Variants in TBC1D15 observed in about 807,000 individuals in gnomAD.
The protein encoded by TBC1D15 is GAP for RAB7.
Under a neutral mutation model 95.4 loss-of-function variants are expected in TBC1D15, and 39 were observed. That is an observed-to-expected ratio of 0.41 (90% CI 0.32 to 0.53). The LOEUF (loss-of-function observed/expected upper bound fraction) is 0.53. Ranked by LOEUF, TBC1D15 falls within the 20% of genes least tolerant of loss-of-function variation. TBC1D15 has a pLI of 0.29. For missense variants in TBC1D15, 733 were observed against 794.3 expected (o/e 0.92, Z 0.93); for synonymous variants, 258 against 261.3 (o/e 0.99, Z 0.12).
intron 1 of TBC1D15, among the ~76,000 whole-genome samples, chr12:71,854,185 T>G (rs1288216962): frequency 6.6e-6 from 1 of 152,224 alleles, no homozygotes; most frequent in African/African-American, 2.4e-5. Flanking sequence ...TTCCTTTCTC[T>G]CAATAGTCAC....
chr12:71,875,716 C>T (rs1171998931), intron 3 of TBC1D15, among the ~76,000 whole-genome samples: 1 of 151,758 alleles, frequency 6.6e-6, no homozygotes, highest in Admixed American at 6.6e-5. Context: ...AATGGTTGTA[C>T]TTCTAATTCT....
At chr12:71,881,856 T>C (rs1482105242) in intron 4 of TBC1D15, among the ~76,000 whole-genome samples, 1 of 143,770 alleles carries the variant, frequency 7.0e-6, no homozygotes, top group African/African-American at 2.6e-5. Context: ...AGGCAGAGGT[T>C]GCAGTGAGCC....
Position 71,917,694 on chromosome 12 carries a change from A to G in TBC1D15, c.1402-4A>G, listed in dbSNP as rs767571429. 2 of 1,590,382 alleles carry G rather than the reference A, an allele frequency of 1.3e-6. No homozygotes were observed. Among genetic ancestry groups the G allele is most frequent in the South Asian group, 1.1e-5 (1 of 89,252 alleles). ...TTACTTGTAACAATTATTTCCTTTTAAAGCATCAGAATTTTGAAGAACAAA... is the reference window on the plus strand; with the variant it reads ...TTACTTGTAACAATTATTTCCTTTTGAAGCATCAGAATTTTGAAGAACAAA... On this transcript the variant is annotated splice_polypyrimidine_tract_variant and splice_region_variant and intron_variant, in intron 12 of 16. Coordinates refer to ENST00000485960, the MANE Select transcript of TBC1D15 (RefSeq NM_001146213.3).
intron 3 of TBC1D15, 110 bp from the exon 4 acceptor site, chr12:71,880,359 A>G (rs910238045): frequency 4.9e-6 from 4 of 810,714 alleles, no homozygotes; most frequent in African/African-American, 3.6e-5. Context: ...CAGTTTTCCC[A>G]CCAGTGATGT....
chr12:71,849,730 T>TC, intron 1 of TBC1D15: 1 of 553,362 alleles, frequency 1.8e-6, no homozygotes, highest in East Asian at 4.3e-5. Context: ...CGGGGGTCAC[T>TC]CCATTTTGAT....
chr12:71,902,989 T>A (rs1410566500), intron 10 of TBC1D15, among the ~76,000 whole-genome samples: 1 of 152,212 alleles, frequency 6.6e-6, no homozygotes. Context: ...CTCGGCTCAC[T>A]GCAACCCCTG....
At chr12:71,877,178 C>T (rs1216366300) in intron 3 of TBC1D15, among the ~76,000 whole-genome samples, 2 of 148,572 alleles carry the variant, frequency 1.3e-5, no homozygotes, top group African/African-American at 4.9e-5. Flanking sequence ...CATTCTAATT[C>T]CTGATCCCAT....
chr12:71,923,054 T>C lies in TBC1D15; in HGVS notation c.1875T>C (p.Val625=), dbSNP rs1256762271. ...AAGTTACAACACCAGATTCAGACGT[T>C]GGTGAAGACGAAAATGTTGTCATGA... is the stretch of plus-strand genomic sequence containing the variant. ...GSEVTTPDSD[V]GEDENVVMTP... is the part of the protein sequence containing the mutation. Residue 625 remains valine, a synonymous_variant, in exon 17 of 17, where the codon GTT becomes GTC. Coordinates refer to ENST00000485960, the MANE Select transcript of TBC1D15 (RefSeq NM_001146213.3). The C allele has an allele frequency of 8.1e-6, 13 of 1,614,120 alleles. No homozygotes were observed. The highest frequency in any genetic ancestry group is 2.2e-5 in the East Asian group (1 of 44,902).
chr12:71,879,570 T>C (rs1272208147), intron 3 of TBC1D15, among the ~76,000 whole-genome samples: 1 of 152,234 alleles, frequency 6.6e-6, no homozygotes, highest in East Asian at 1.9e-4. Flanking sequence ...TCATCAGCAG[T>C]GTGAGATGGT....
At chr12:71,906,171 C>T (rs893612499) in intron 10 of TBC1D15, among the ~76,000 whole-genome samples, 2 of 152,196 alleles carry the variant, frequency 1.3e-5, no homozygotes, top group African/African-American at 4.8e-5. Flanking sequence ...CCACACCTGA[C>T]CTCCTCATCT....
chr12:71,853,007 AT>A (rs1340655240), intron 1 of TBC1D15, among the ~76,000 whole-genome samples: 1 of 152,152 alleles, frequency 6.6e-6, no homozygotes, highest in Non-Finnish European at 1.5e-5. Flanking sequence ...AATTTTCTGT[AT>A]TAGTCAATAC....
chr12:71,905,360 G>A (rs1291354169), intron 10 of TBC1D15, among the ~76,000 whole-genome samples: 1 of 152,072 alleles, frequency 6.6e-6, no homozygotes, highest in Non-Finnish European at 1.5e-5. Context: ...GGGTCTCACT[G>A]TGTCACCCAG....
intron 1 of TBC1D15, among the ~76,000 whole-genome samples, chr12:71,860,419 T>G (rs1342297683): frequency 2.0e-5 from 3 of 152,200 alleles, no homozygotes; most frequent in Non-Finnish European, 2.9e-5. Flanking sequence ...CTCCTTAAGT[T>G]TTCATCAGTG....
In TBC1D15 at chr12:71,918,470, C is replaced by T; in HGVS notation, c.1521C>T (p.Tyr507=). Residue 507 remains tyrosine (Y), a synonymous_variant, in exon 14 of 17, where the codon TAC becomes TAT. Transcript: ENST00000485960. ...CSYLESQDSG[Y]LYFCFRWLLI... ...GCATAGAATCTCAGGACTCTGGATACCTTTATTTTTGCTTCAGGTGGCTTT... is the reference window on the plus strand; with the variant it reads ...GCATAGAATCTCAGGACTCTGGATATCTTTATTTTTGCTTCAGGTGGCTTT... 1.2e-6 allele frequency: 2 copies of T among 1,605,598 alleles called. No homozygotes were observed. Among genetic ancestry groups the T allele is most frequent in the South Asian group, 1.1e-5 (1 of 89,174 alleles).
At chr12:71,867,056 C>G (rs762539134) in intron 1 of TBC1D15, among the ~76,000 whole-genome samples, 1 of 152,156 alleles carries the variant, frequency 6.6e-6, no homozygotes, top group Non-Finnish European at 1.5e-5. Flanking sequence ...AATGAATGAT[C>G]TAAACCAAGA....
rs114972838 is a variant in TBC1D15, at chr12:71,862,046, T to C, written c.31-10024T>C. 5.3e-3 allele frequency among the ~76,000 whole-genome samples: 814 copies of C among 152,330 alleles called. 12 individuals carry two copies. The highest frequency in any genetic ancestry group is 0.018 in the African/African-American group (756 of 41,578). On this transcript the variant is annotated intron_variant, in intron 1 of 16. Transcript: ENST00000485960. ...CATTAGGGTCAGAAAAGATACTTCT[T>C]ATAATCTCAGTTCTTTTAAACTTGT...
At chr12:71,870,380 C>T (rs1892409473) in intron 1 of TBC1D15, among the ~76,000 whole-genome samples, 1 of 152,204 alleles carries the variant, frequency 6.6e-6, no homozygotes, top group Non-Finnish European at 1.5e-5. Flanking sequence ...TTATCTCCCA[C>T]CCTTTCTCAG....
chr12:71,913,362 A>G (rs1331183862), intron 11 of TBC1D15: 2 of 153,164 alleles, frequency 1.3e-5, no homozygotes, highest in Non-Finnish European at 2.9e-5. Flanking sequence ...GGCATTGCTA[A>G]CCACTCTGGG....
At position 71,884,953 on chromosome 12, in the gene TBC1D15, T is replaced by C. The variant is rs755400995; in HGVS notation, c.486T>C (p.Ala162=). The change falls in exon 5 of 17, where the codon GCT becomes GCC. Residue 162 remains alanine, a synonymous_variant. Transcript: ENST00000485960. Reference sequence around the variant, plus strand: ...TAAAGGATGACGTCGTTCTCCCTGCTCTACACTTTCATCAAGGAGATAGCA... The same window carrying C: ...TAAAGGATGACGTCGTTCTCCCTGCCCTACACTTTCATCAAGGAGATAGCA... ...FCLKDDVVLP[A]LHFHQGDSKL... The C allele has an allele frequency of 4.4e-5, 71 of 1,613,950 alleles. No homozygotes were observed. Among genetic ancestry groups the C allele is most frequent in the Non-Finnish European group, 5.7e-5 (67 of 1,179,934 alleles).
Sources: gnomAD v4.1 joint callset for allele counts (sites outside exome capture counted in the v4.1 genomes callset) on GRCh38, gnomAD v4.1.1 for gene constraint, MANE v1.5 for transcripts, NCBI Gene and HGNC (gene_info 2026-07-23, HGNC 2026-07-21) for gene names.